XPO7: variants seen among roughly 807,000 people sequenced by gnomAD.
XPO7 encodes the protein exportin-7.
In XPO7, 21 loss-of-function variants were observed where a neutral mutation model predicts 144.3. That is an observed-to-expected ratio of 0.15 (90% CI 0.10 to 0.21). The LOEUF (loss-of-function observed/expected upper bound fraction) is 0.21, where lower values mean the gene tolerates loss of function less well. Ranked by LOEUF, XPO7 falls within the 10% of genes least tolerant of loss-of-function variation. The pLI is 1.00. For missense variants in XPO7, 808 were observed against 1,325.8 expected, an observed-to-expected ratio of 0.61 and a Z score of 6.06; for synonymous variants, 580 against 499.6, an observed-to-expected ratio of 1.16 and a Z score of -2.15.
chr8:21,949,791 A>G (rs778390649), intron 1 of XPO7, among the ~76,000 whole-genome samples: 5 of 152,162 alleles, frequency 3.3e-5, no homozygotes, highest in African/African-American at 4.8e-5. Flanking sequence ...GTGCAGTAGC[A>G]CCATCTCGGC....
chr8:21,955,369 G>A (rs766962780), intron 1 of XPO7, among the ~76,000 whole-genome samples: 4 of 152,114 alleles, frequency 2.6e-5, no homozygotes, highest in Admixed American at 2.6e-4. Context: ...GTGCACCTTT[G>A]TAGAAAAACT....
chr8:21,989,179 G>A (rs1812677242), intron 16 of XPO7, 96 bp downstream of exon 16: 4 of 1,162,636 alleles, frequency 3.4e-6, no homozygotes, highest in Non-Finnish European at 4.9e-6. Context: ...CAGTTTAGCT[G>A]TAGTGTGTAC....
intron 1 of XPO7, among the ~76,000 whole-genome samples, chr8:21,942,020 T>C (rs1029086834): frequency 6.6e-6 from 1 of 152,204 alleles, no homozygotes; most frequent in Admixed American, 6.5e-5. Context: ...TCGGTAATGG[T>C]TACTTAACAT....
chr8:22,002,147 G>A lies in XPO7; in HGVS notation c.2818G>A (p.Asp940Asn). ...MVCTGCCSCLDHIVTYLFKQL... is the reference protein window; with the variant it reads ...MVCTGCCSCLNHIVTYLFKQL... ...ATGCACAGGCTGCTGCTCCTGCCTG[G>A]ACCACATTGTGACATACCTCTTCAA... Residue 940 changes from aspartate (D) to asparagine (N), a missense_variant, in exon 25 of 28, where the codon GAC becomes AAC. Asp to Asn is a conservative substitution (Grantham distance 23). Coordinates refer to ENST00000252512, the MANE Select transcript of XPO7 (RefSeq NM_015024.5). 1 of 1,611,998 alleles carries A rather than the reference G, an allele frequency of 6.2e-7. No individual in the cohort carries two copies.
At chr8:21,921,693 T>C (rs1178882100) in intron 1 of XPO7, 2 of 152,218 alleles carry the variant, frequency 1.3e-5, no homozygotes, top group East Asian at 1.9e-4. Flanking sequence ...GAAGTAAGAA[T>C]TTATTAACTT....
chr8:21,927,114 G>T (rs1318895289), intron 1 of XPO7, among the ~76,000 whole-genome samples: 2 of 152,068 alleles, frequency 1.3e-5, no homozygotes, highest in Non-Finnish European at 2.9e-5. Context: ...CCAGGCAGGG[G>T]CACACATGCT....
chr8:21,990,663 G>C, intron 17 of XPO7, 148 bp from the exon 18 acceptor site: 2 of 808,520 alleles, frequency 2.5e-6, no homozygotes, highest in Non-Finnish European at 3.9e-6. Flanking sequence ...ACGGTAGCCT[G>C]CCTTCAAAAA....
Position 21,999,031 on chromosome 8 carries a change from G to A in XPO7, c.2429-60G>A, listed in dbSNP as rs753422848. ...ATTTGTATGCCTTTGGAGTAGGAAG[G>A]CTGATCTAAACGAGCGCTTCTAATG... is the stretch of plus-strand genomic sequence containing the variant. On this transcript the variant is annotated intron_variant, in intron 22 of 27. Coordinates refer to ENST00000252512, the MANE Select transcript of XPO7 (RefSeq NM_015024.5). The A allele has an allele frequency of 2.3e-5, 37 of 1,594,250 alleles. No individual in the cohort carries two copies. The Middle Eastern group carries it at 5.0e-4, about 21-fold the overall frequency.
intron 1 of XPO7, among the ~76,000 whole-genome samples, chr8:21,945,348 A>G (rs1276544984): frequency 6.9e-6 from 1 of 145,554 alleles, no homozygotes; most frequent in Non-Finnish European, 1.5e-5. Flanking sequence ...CATGCTGGTC[A>G]TAGACAGAGG....
At chr8:21,960,655 AT>A (rs1359399157) in intron 1 of XPO7, among the ~76,000 whole-genome samples, 1 of 152,258 alleles carries the variant, frequency 6.6e-6, no homozygotes, top group Non-Finnish European at 1.5e-5. Flanking sequence ...CTGGCATAGC[AT>A]TATCACTTGC....
At chr8:21,997,684 T>G (rs938419944) in intron 21 of XPO7, among the ~76,000 whole-genome samples, 3 of 152,012 alleles carry the variant, frequency 2.0e-5, no homozygotes, top group Middle Eastern at 3.2e-3. Context: ...GCCGCTAGAG[T>G]GTTTTCAGCA....
intron 7 of XPO7, among the ~76,000 whole-genome samples, chr8:21,977,412 C>G (rs577437669): frequency 2.6e-5 from 4 of 152,230 alleles, no homozygotes; most frequent in South Asian, 4.1e-4. Flanking sequence ...AACCCCGTCT[C>G]TACTAAAAAT....
rs375140746 is a variant in XPO7, at chr8:21,979,979, C to G, written c.838-105C>G. The G allele has an allele frequency of 6.3e-6, 8 of 1,267,676 alleles. 1 individual carries two copies. In the African/African-American group the frequency reaches 1.1e-4, roughly 17 times the overall value. 78.5% of individuals were successfully genotyped at this position (1,267,676 alleles called of 1,614,324 possible). A position where few individuals can be genotyped will look rare whatever the true frequency, so the allele number is the denominator to read the frequency against. On this transcript the variant is annotated intron_variant, in intron 8 of 27. Transcript: ENST00000252512. ...CTTTTCTCTTTTTAAAATAATGTTG[C>G]TTCAGATATCCTAAAGAAGGATATT...
chr8:21,984,400 A>C (rs1812508340), intron 11 of XPO7, among the ~76,000 whole-genome samples: 1 of 152,182 alleles, frequency 6.6e-6, no homozygotes, highest in African/African-American at 2.4e-5. Flanking sequence ...AAACATTAAG[A>C]GTTGAGAATT....
Position 21,932,655 on chromosome 8 carries a change from C to A in XPO7, c.18+12867C>A, listed in dbSNP as rs531299377. On this transcript the variant is annotated intron_variant, in intron 1 of 27. Transcript: ENST00000252512. The stretch of plus-strand genomic sequence containing the variant: ...GAATTTTTATGCAAGTTAAAACTGT[C>A]TGTCTTCTTCCTTTATGCCTTTATT... 3.5e-4 allele frequency among the ~76,000 whole-genome samples: 54 copies of A among 152,278 alleles called. No homozygotes were observed. The South Asian group carries it at 5.8e-3, about 16-fold the overall frequency.
rs760221020 is a variant in XPO7, at chr8:21,981,855, A to C, written c.1082A>C (p.Asn361Thr). 3 of 1,614,006 alleles carry C rather than the reference A, an allele frequency of 1.9e-6. No homozygotes were observed. The highest frequency in any genetic ancestry group is 2.5e-6 in the Non-Finnish European group (3 of 1,179,880). The stretch of plus-strand genomic sequence containing the variant: ...CCTGAGGTCATCCGATTGATAGCCA[A>C]CTTCACAGTGACCAGCCTACAGGTT... ...NYPEVIRLIANFTVTSLQHWE... is the reference protein window; with the variant it reads ...NYPEVIRLIATFTVTSLQHWE... The change falls in exon 10 of 28, where the codon AAC (asparagine) becomes ACC (threonine). Residue 361 changes from asparagine to threonine, a missense_variant. By Grantham distance (65) the Asn-to-Thr change is moderately conservative (BLOSUM62 0). Coordinates refer to ENST00000252512, the MANE Select transcript of XPO7 (RefSeq NM_015024.5).
chr8:21,921,798 T>C (rs1050796334), intron 1 of XPO7, among the ~76,000 whole-genome samples: 4 of 152,052 alleles, frequency 2.6e-5, no homozygotes, highest in Non-Finnish European at 5.9e-5. Context: ...TAGTGCTTAG[T>C]GGTCTTCATA....
chr8:21,949,468 G>A (rs943113834), intron 1 of XPO7, among the ~76,000 whole-genome samples: 1 of 152,174 alleles, frequency 6.6e-6, no homozygotes, highest in Admixed American at 6.5e-5. Context: ...CCACTCAGAT[G>A]GAAATTCTTT....
rs569513633 is a variant in XPO7 at position 21,982,435 on chromosome 8, T to G, written c.1105-205T>G. Among the ~76,000 whole-genome samples, 33 of 152,306 alleles carry G rather than the reference T, an allele frequency of 2.2e-4. No individual in the cohort carries two copies. The South Asian group carries it at 5.2e-3, about 24-fold the overall frequency. On this transcript the variant is annotated intron_variant, in intron 10 of 27. Transcript: ENST00000252512. The stretch of plus-strand genomic sequence containing the variant: ...TATGGTAAGGCTTACACAGCCAGCA[T>G]AGAGTAGCCCTTCTCATTAGATGCT...
Sources: allele counts gnomAD v4.1 joint callset (sites outside exome capture counted in the v4.1 genomes callset), GRCh38; gene constraint gnomAD v4.1.1; transcripts MANE v1.5; gene names NCBI Gene and HGNC (gene_info 2026-07-23, HGNC 2026-07-21).